The following TLK1 variants were observed in gnomAD, a reference collection of about 807,000 sequenced individuals.
TLK1 encodes the protein tousled like kinase 1.
Under a neutral mutation model 105.3 loss-of-function variants are expected in TLK1, and 24 were observed. The ratio of observed to expected loss-of-function variants is 0.23; its 90% CI spans 0.17 to 0.32. TLK1 has a LOEUF of 0.32. TLK1 is among the 10% of genes least tolerant of loss of function. The pLI is 1.00. For missense variants in TLK1, 558 were observed against 910.5 expected, an observed-to-expected ratio of 0.61 and a Z score of 4.98; for synonymous variants, 321 against 310.4, an observed-to-expected ratio of 1.03 and a Z score of -0.36.
intron 1 of TLK1, among the ~76,000 whole-genome samples, chr2:171,187,408 T>G (rs1403118512): frequency 6.6e-6 from 1 of 152,238 alleles, no homozygotes; most frequent in African/African-American, 2.4e-5. Context: ...TTCTAAACTA[T>G]CTGCCTTCCA....
upstream of TLK1, among the ~76,000 whole-genome samples, chr2:171,163,512 G>A (rs1483803668): frequency 6.6e-6 from 1 of 152,202 alleles, no homozygotes. Context: ...AGAGACCTGA[G>A]TATTAGTCTC....
chr2:171,010,427 G>C (rs1332247878), intron 14 of TLK1, among the ~76,000 whole-genome samples: 2 of 152,142 alleles, frequency 1.3e-5, no homozygotes, highest in Admixed American at 1.3e-4. Context: ...CATGAGGTAA[G>C]TCATGTATAC....
In TLK1 at chr2:171,072,928, C is replaced by T. The variant is rs575806060; in HGVS notation, c.330+9853G>A. Among the ~76,000 whole-genome samples the T allele has an allele frequency of 6.5e-5, 4 of 61,268 alleles. No individual in the cohort carries two copies. In the East Asian group the frequency reaches 4.1e-3, roughly 63 times the overall value. 40.2% of individuals were successfully genotyped at this position (61,268 alleles called of 152,430 possible). On this transcript the variant is annotated intron_variant, in intron 3 of 20. Transcript: ENST00000431350. Reference sequence around the variant, plus strand: ...TGGGCAACAGAGCAAGACTCTGTCTCGAAAAAAAAAAAAAAAAAGATTAAT... The same window carrying T: ...TGGGCAACAGAGCAAGACTCTGTCTTGAAAAAAAAAAAAAAAAAGATTAAT...
At chr2:171,152,552 G>T (rs980015356) in intron 1 of TLK1, among the ~76,000 whole-genome samples, 4 of 152,040 alleles carry the variant, frequency 2.6e-5, no homozygotes, top group Non-Finnish European at 5.9e-5. Flanking sequence ...AGCAATAAAA[G>T]AATTAAAACT....
At chr2:171,197,794 CAAA>C (rs1693303336) in intron 1 of TLK1, among the ~76,000 whole-genome samples, 1 of 145,624 alleles carries the variant, frequency 6.9e-6, no homozygotes, top group Non-Finnish European at 1.5e-5. Context: ...CAAAACCAAA[CAAA>C]CAAAAAACAA....
chr2:171,064,275 C>T (rs1035828), intron 3 of TLK1, among the ~76,000 whole-genome samples: 85,858 of 151,976 alleles, frequency 0.56, 26,450 homozygotes, highest in East Asian at 0.95. Flanking sequence ...GTTAAGGCTC[C>T]AGCCTACCAG....
At chr2:171,141,048 A>G (rs1575623545) in intron 1 of TLK1, among the ~76,000 whole-genome samples, 1 of 152,232 alleles carries the variant, frequency 6.6e-6, no homozygotes, top group African/African-American at 2.4e-5. Flanking sequence ...TCAGAAAAAT[A>G]TATCTTTAAA....
chr2:171,124,065 C>A (rs1457422889), intron 1 of TLK1, among the ~76,000 whole-genome samples: 1 of 152,050 alleles, frequency 6.6e-6, no homozygotes, highest in African/African-American at 2.4e-5. Context: ...TTCTCCACTA[C>A]AAAATTAAAC....
chr2:171,046,551 T>C (rs544842544), intron 10 of TLK1, among the ~76,000 whole-genome samples, 189 bp from the exon 11 acceptor site: 1 of 152,328 alleles, frequency 6.6e-6, no homozygotes, highest in East Asian at 1.9e-4. Flanking sequence ...AAGTGAGGTA[T>C]TCTCTAAACC....
At chr2:171,162,687 TTC>T, upstream of TLK1, among the ~76,000 whole-genome samples, 1 of 152,216 alleles carries the variant, frequency 6.6e-6, no homozygotes, top group Non-Finnish European at 1.5e-5. Flanking sequence ...ACTACTTCCA[TTC>T]TCTCCAACCA....
At chr2:171,164,956 A>T (rs1220040692), upstream of TLK1, among the ~76,000 whole-genome samples, 1 of 152,198 alleles carries the variant, frequency 6.6e-6, no homozygotes, top group East Asian at 1.9e-4. Flanking sequence ...CCCCACCTCT[A>T]TCTAAAAAAA....
At chr2:171,011,297 G>A (rs759329954) in intron 14 of TLK1, 76 bp downstream of exon 14, 55 of 1,273,560 alleles carry the variant, frequency 4.3e-5, no homozygotes, top group Non-Finnish European at 5.6e-5. Flanking sequence ...CCCAGACAAC[G>A]TAAGTACTTC....
chr2:171,153,595 A>G (rs1270602045), intron 1 of TLK1, among the ~76,000 whole-genome samples: 1 of 152,230 alleles, frequency 6.6e-6, no homozygotes, highest in Non-Finnish European at 1.5e-5. Flanking sequence ...TAGACAATAT[A>G]AATAAAACTA....
chr2:171,065,044 G>T (rs533636496), intron 3 of TLK1, among the ~76,000 whole-genome samples: 1 of 152,084 alleles, frequency 6.6e-6, no homozygotes, highest in Non-Finnish European at 1.5e-5. Context: ...AAATATAAAG[G>T]AGTCTTTCTT....
At chr2:171,087,124 T>C (rs1689014989) in intron 2 of TLK1, among the ~76,000 whole-genome samples, 2 of 152,154 alleles carry the variant, frequency 1.3e-5, no homozygotes, top group Non-Finnish European at 2.9e-5. Context: ...GCGTGGAGGA[T>C]ACAATAAAAA....
At chr2:171,118,003 T>C in intron 1 of TLK1, 146 bp from the exon 2 acceptor site, 1 of 504,730 alleles carries the variant, frequency 2.0e-6, no homozygotes, top group Non-Finnish European at 3.3e-6. Context: ...AGACTTTATT[T>C]TTAAATGTAC....
At chr2:171,049,235 T>C (rs747857879) in intron 10 of TLK1, among the ~76,000 whole-genome samples, 2 of 152,140 alleles carry the variant, frequency 1.3e-5, no homozygotes, top group Non-Finnish European at 2.9e-5. Context: ...TCAAGCAATA[T>C]ACCCCTGTAA....
Position 170,993,944 on chromosome 2 carries a change from G to A in TLK1, c.2137C>T (p.Arg713Cys), listed in dbSNP as rs1683919665. 3.1e-6 allele frequency: 5 copies of A among 1,603,830 alleles called. No homozygotes were observed. Among genetic ancestry groups the A allele is most frequent in the Non-Finnish European group, 4.3e-6 (5 of 1,176,316 alleles). The change falls in exon 21 of 21, where the codon CGC (arginine) becomes TGC (cysteine). Residue 713 changes from arginine to cysteine, a missense_variant. Physicochemically the swap from Arg to Cys is radical, Grantham distance 180. Transcript: ENST00000431350. ...VSSEAKAFIR[R>C]CLAYRKEDRF... is the part of the protein sequence containing the mutation. ...TCTTCTTTTCGATATGCCAAACAGC[G>A]TCTTATAAATGCCTCAAAAAGAGAA... is the stretch of plus-strand genomic sequence containing the variant.
intron 3 of TLK1, among the ~76,000 whole-genome samples, chr2:171,071,305 T>C (rs371545384): frequency 3.9e-5 from 6 of 152,108 alleles, no homozygotes; most frequent in African/African-American, 1.4e-4. Context: ...TTTTTTTTTT[T>C]GACATGGAGT....
Sources: gnomAD v4.1 joint callset for allele counts (sites outside exome capture counted in the v4.1 genomes callset) on GRCh38, gnomAD v4.1.1 for gene constraint, MANE v1.5 for transcripts, NCBI Gene and HGNC (gene_info 2026-07-23, HGNC 2026-07-21) for gene names.